The following CDC73 variants were observed in gnomAD, a reference collection of about 807,000 sequenced individuals.
CDC73 encodes cell division cycle 73.
In CDC73, 21 loss-of-function variants were observed where a neutral mutation model predicts 83.7. The observed-to-expected ratio is 0.25, with a 90% CI of 0.18 to 0.36. The LOEUF (loss-of-function observed/expected upper bound fraction) is 0.36, where lower values mean the gene tolerates loss of function less well. Ranked by LOEUF, CDC73 falls within the 10% of genes least tolerant of loss-of-function variation. The pLI is 1.00. For missense variants in CDC73, 342 were observed against 653.3 expected (o/e 0.52, Z 5.19); for synonymous variants, 224 against 212.9 (o/e 1.05, Z -0.45).
intron 13 of CDC73, among the ~76,000 whole-genome samples, chr1:193,223,790 C>G (rs1677512624): frequency 6.6e-6 from 1 of 151,794 alleles, no homozygotes; most frequent in African/African-American, 2.4e-5. Context: ...TCTCTTTTCA[C>G]TTGGTCTTTG....
At chr1:193,238,683 A>AAC (rs1677805871) in intron 15 of CDC73, among the ~76,000 whole-genome samples, 1 of 152,214 alleles carries the variant, frequency 6.6e-6, no homozygotes, top group Non-Finnish European at 1.5e-5. Context: ...TGATAACATA[A>AAC]ACAGTCGATT....
At chr1:193,157,082 G>C (rs1676220017) in intron 10 of CDC73, among the ~76,000 whole-genome samples, 1 of 152,154 alleles carries the variant, frequency 6.6e-6, no homozygotes, top group South Asian at 2.1e-4. Context: ...AATAAGATCA[G>C]AAGTTTATGT....
At chr1:193,249,344 T>A (rs1353711730) in intron 15 of CDC73, among the ~76,000 whole-genome samples, 2 of 152,058 alleles carry the variant, frequency 1.3e-5, no homozygotes, top group Non-Finnish European at 2.9e-5. Context: ...TGATACAGTG[T>A]TAACGTAACT....
chr1:193,201,399 TTCTC>T (rs1677089564), intron 10 of CDC73, among the ~76,000 whole-genome samples: 1 of 152,248 alleles, frequency 6.6e-6, no homozygotes, highest in Non-Finnish European at 1.5e-5. Context: ...TATAGCTTAA[TTCTC>T]TCTTTCTGCC....
intron 10 of CDC73, among the ~76,000 whole-genome samples, chr1:193,184,916 G>A (rs1676779070): frequency 6.6e-6 from 1 of 151,926 alleles, no homozygotes; most frequent in Admixed American, 6.6e-5. Context: ...ACTGAGTTGT[G>A]TTGTGAAATT....
At chr1:193,204,198 T>C (rs1205368069) in intron 11 of CDC73, among the ~76,000 whole-genome samples, 3 of 70,852 alleles carry the variant, frequency 4.2e-5, no homozygotes, top group East Asian at 5.0e-4. Flanking sequence ...CACACACATA[T>C]ATATACGTGT....
rs193025205 is a variant in CDC73 at position 193,250,724 on chromosome 1, C to T, written c.*12C>T. On this transcript the variant is annotated 3_prime_UTR_variant, in exon 17 of 17. Transcript: ENST00000367435. ...ACTTGAGATTCTGAATTATTTGGCT[C>T]CTCCATTTCTGGAAATTGAGACTCA... The T allele has an allele frequency of 1.2e-6, 2 of 1,605,408 alleles. No homozygotes were observed. Among genetic ancestry groups the T allele is most frequent in the South Asian group, 1.1e-5 (1 of 90,828 alleles).
At chr1:193,135,028 T>C (rs1675765198) in intron 3 of CDC73, among the ~76,000 whole-genome samples, 1 of 138,156 alleles carries the variant, frequency 7.2e-6, no homozygotes, top group South Asian at 3.0e-4. Context: ...AAAAAAAATC[T>C]TGTCCATATA....
At chr1:193,249,708 C>A in intron 15 of CDC73, 22 bp from the exon 16 acceptor site, 1 of 1,588,096 alleles carries the variant, frequency 6.3e-7, no homozygotes, top group Non-Finnish European at 8.6e-7. Context: ...AAAATGATAA[C>A]TTCTCTCCAC....
chr1:193,193,780 AGTGTGTGTGTGTGTGTGT>A lies in CDC73; in HGVS notation c.973-9982_973-9965del, dbSNP rs71111459. ...AGAACATTTCAGCTGTCTTACTTGT[AGTGTGTGTGTGTGTGTGT>A]GTGTGTGTGTGTGTGTGTGTGTGTG... On this transcript the variant is annotated intron_variant, in intron 10 of 16. Transcript: ENST00000367435. Among the ~76,000 whole-genome samples the A allele has an allele frequency of 3.2e-3, 439 of 135,918 alleles. 2 individuals are homozygous for A. The highest frequency in any genetic ancestry group is 4.6e-3 in the Non-Finnish European group (292 of 63,640). The allele number at this position is 135,918 out of a possible 152,430, so 89.2% of individuals were successfully genotyped here. A position where few individuals can be genotyped will look rare whatever the true frequency, so the allele number is the denominator to read the frequency against.
At position 193,125,149 on chromosome 1, in the gene CDC73, T is replaced by C. The variant is rs755745936; in HGVS notation, c.169T>C (p.Leu57=). 1.2e-6 allele frequency: 2 copies of C among 1,609,882 alleles called. No individual in the cohort carries two copies. Among genetic ancestry groups the C allele is most frequent in the Non-Finnish European group, 8.5e-7 (1 of 1,176,074 alleles). Residue 57 remains leucine, a synonymous_variant, in exon 2 of 17, where the codon TTG becomes CTG. Transcript: ENST00000367435. ...AGGCCAACCCAGAGAGTACTACACA[T>C]TGGATTCCATTTTATTTCTACTTAA... ...KEGQPREYYT[L]DSILFLLNNV... is the part of the protein sequence containing the mutation.
intron 11 of CDC73, among the ~76,000 whole-genome samples, chr1:193,205,776 G>T (rs1677179287): frequency 6.6e-6 from 1 of 152,100 alleles, no homozygotes; most frequent in South Asian, 2.1e-4. Flanking sequence ...CAGAAACTAA[G>T]AGAAGCTAAA....
intron 2 of CDC73, among the ~76,000 whole-genome samples, chr1:193,126,339 AATTT>A (rs1262317263): frequency 6.6e-6 from 1 of 152,178 alleles, no homozygotes; most frequent in African/African-American, 2.4e-5. Context: ...AGTGTTTGAA[AATTT>A]ATTACTCAGA....
At position 193,253,852 on chromosome 1, in the gene CDC73, T is replaced by C. The variant is rs1572228932; in HGVS notation, c.*3140T>C. The C allele has an allele frequency of 4.4e-6, 1 of 227,612 alleles. No homozygotes were observed. Among genetic ancestry groups the C allele is most frequent in the East Asian group, 6.4e-5 (1 of 15,702 alleles). 14.1% of individuals were successfully genotyped at this position (227,612 alleles called of 1,614,324 possible). A position where few individuals can be genotyped will look rare whatever the true frequency, so the allele number is the denominator to read the frequency against. On this transcript the variant is annotated 3_prime_UTR_variant, in exon 17 of 17. Coordinates refer to ENST00000367435, the MANE Select transcript of CDC73 (RefSeq NM_024529.5). ...AATAAGATTCATTATCTAATAAATA[T>C]TGAGGGAATATTTTTCCTAAATAAA...
intron 7 of CDC73, 108 bp from the exon 8 acceptor site, chr1:193,147,757 CAT>C (rs1436175258): frequency 8.3e-6 from 6 of 721,218 alleles, no homozygotes; most frequent in African/African-American, 1.8e-5. Context: ...TACCTTATGA[CAT>C]ATGTAGTAGG....
chr1:193,174,438 T>C (rs1268245709), intron 10 of CDC73, among the ~76,000 whole-genome samples: 1 of 152,140 alleles, frequency 6.6e-6, no homozygotes, highest in Non-Finnish European at 1.5e-5. Context: ...GAGAACAGAG[T>C]ATTTTGCATG....
At chr1:193,234,263 T>TTA (rs1572216387) in intron 14 of CDC73, among the ~76,000 whole-genome samples, 2 of 15,904 alleles carry the variant, frequency 1.3e-4, no homozygotes, top group East Asian at 1.2e-3. Context: ...TATATATAAT[T>TTA]TAATTATAAT....
intron 6 of CDC73, among the ~76,000 whole-genome samples, chr1:193,140,179 T>C (rs1675880502): frequency 6.6e-6 from 1 of 152,230 alleles, no homozygotes; most frequent in African/African-American, 2.4e-5. Flanking sequence ...TCATAGGGCT[T>C]ACCTTGTTTG....
chr1:193,197,028 C>G (rs557230636), intron 10 of CDC73, among the ~76,000 whole-genome samples: 119 of 152,272 alleles, frequency 7.8e-4, no homozygotes, highest in African/African-American at 2.7e-3. Context: ...ATCTTAGGGA[C>G]AAAGCTTTGT....
Sources: gnomAD v4.1 joint callset for allele counts (sites outside exome capture counted in the v4.1 genomes callset) on GRCh38, gnomAD v4.1.1 for gene constraint, MANE v1.5 for transcripts, NCBI Gene and HGNC (gene_info 2026-07-23, HGNC 2026-07-21) for gene names.